EVC2: variants seen among roughly 807,000 people sequenced by gnomAD.
EVC2 encodes the protein limbin.
Under a neutral mutation model 149.3 loss-of-function variants are expected in EVC2, and 148 were observed. The observed-to-expected ratio is 0.99, with a 90% CI of 0.87 to 1.14. The LOEUF (loss-of-function observed/expected upper bound fraction) is 1.14. Among genes scored for constraint, EVC2 ranks in the 50% most tolerant of loss-of-function variants. The pLI is 0.00. For missense variants in EVC2, 1,854 were observed against 1,627.3 expected, an observed-to-expected ratio of 1.14 and a Z score of -2.40; for synonymous variants, 776 against 649.9, an observed-to-expected ratio of 1.19 and a Z score of -2.95.
At chr4:5,560,501 A>C (rs892016256), downstream of EVC2, among the ~76,000 whole-genome samples, 70 of 152,136 alleles carry the variant, frequency 4.6e-4, 1 homozygote, top group Admixed American at 4.6e-3. The surrounding 1 kb of genome is among the most constrained non-coding windows in gnomAD (Gnocchi z 4.1). Context: ...ATAAAACATC[A>C]GATCTCGTGA....
intron 15 of EVC2, among the ~76,000 whole-genome samples, chr4:5,616,705 C>T (rs1164507865): frequency 2.6e-5 from 4 of 152,218 alleles, no homozygotes; most frequent in Admixed American, 6.5e-5. Context: ...GCCGCTATCT[C>T]GGGACTGAGC....
intron 10 of EVC2, among the ~76,000 whole-genome samples, chr4:5,632,655 TC>T (rs1716633588): frequency 6.6e-6 from 1 of 152,096 alleles, no homozygotes; most frequent in Admixed American, 6.5e-5. Context: ...CAAGTGGAGA[TC>T]CTTTGGGTAA....
intron 21 of EVC2, among the ~76,000 whole-genome samples, chr4:5,551,116 C>T (rs986835091): frequency 6.6e-6 from 1 of 152,214 alleles, no homozygotes; most frequent in Admixed American, 6.5e-5. Flanking sequence ...GGAGCACCCA[C>T]ACAGAGTCCC....
At chr4:5,552,760 A>ACGAAC (rs1721765254) in intron 21 of EVC2, among the ~76,000 whole-genome samples, 4 of 152,222 alleles carry the variant, frequency 2.6e-5, no homozygotes, top group Admixed American at 2.0e-4. Flanking sequence ...GAGACAGACA[A>ACGAAC]TGAACTGAGA....
chr4:5,608,755 G>A (rs1714595492), intron 16 of EVC2, among the ~76,000 whole-genome samples: 1 of 151,990 alleles, frequency 6.6e-6, no homozygotes, highest in African/African-American at 2.4e-5. Flanking sequence ...AGCTGATCTT[G>A]AATTTGACCT....
rs1251956705 is a variant in EVC2 at position 5,677,318 on chromosome 4, T to C, written c.870+3942A>G. Among the ~76,000 whole-genome samples the C allele has an allele frequency of 6.6e-6, 1 of 152,166 alleles. No individual in the cohort carries two copies. The highest frequency in any genetic ancestry group is 1.5e-5 in the Non-Finnish European group (1 of 68,032). On this transcript the variant is annotated intron_variant, in intron 7 of 21. Transcript: ENST00000344408. The surrounding 1 kb of genome is among the most constrained non-coding windows in gnomAD (Gnocchi z 4.3). ...GACAGGGATTCAAAGCCAGGCCTTA[T>C]GGTCCAAGAGTCAGCTGGGCCCACA...
intron 5 of EVC2, among the ~76,000 whole-genome samples, chr4:5,687,467 C>A (rs1380568827): frequency 6.6e-6 from 1 of 151,936 alleles, no homozygotes; most frequent in Non-Finnish European, 1.5e-5. Context: ...CGTGCTAGAG[C>A]AGAAGTCCAT....
rs777094897 is a variant in EVC2, at chr4:5,708,322, C to G, written c.192G>C (p.Pro64=). 1.2e-5 allele frequency: 17 copies of G among 1,468,310 alleles called. 1 individual carries two copies. In the South Asian group the frequency reaches 2.0e-4, roughly 17 times the overall value. The allele number at this position is 1,468,310 out of a possible 1,614,324, so 91.0% of individuals were successfully genotyped here. Reference sequence around the variant, plus strand: ...TCTCGGGCCCCGCCCCGCTCCGCCCCGGAGGGATCCTCAGGCCGGGCCCAG... The same window carrying G: ...TCTCGGGCCCCGCCCCGCTCCGCCCGGGAGGGATCCTCAGGCCGGGCCCAG... ...PRSGPGLRIP[P]GRSGAGPESS... Residue 64 remains proline (P), a synonymous_variant, in exon 1 of 22, where the codon CCG becomes CCC. Coordinates refer to ENST00000344408, the MANE Select transcript of EVC2 (RefSeq NM_147127.5).
At chr4:5,562,369 C>A (rs930696559), downstream of EVC2, 2 of 885,336 alleles carry the variant, frequency 2.3e-6, no homozygotes, top group Non-Finnish European at 2.8e-6. This position sits in a 1 kb window ranked among gnomAD's most constrained non-coding sequence, Gnocchi z 4.3. Context: ...ACACAGGGAA[C>A]AAAACGTAAG....
intron 21 of EVC2, among the ~76,000 whole-genome samples, chr4:5,547,381 C>A (rs1468789730): frequency 1.3e-5 from 2 of 152,210 alleles, no homozygotes; most frequent in Non-Finnish European, 2.9e-5. Context: ...AGAGAGGTTC[C>A]TGGGTGGAAG....
Position 5,569,365 on chromosome 4 carries a change from C to T in EVC2, c.3361-725G>A, listed in dbSNP as rs969135368. Among the ~76,000 whole-genome samples, 1 of 152,182 alleles carries T rather than the reference C, an allele frequency of 6.6e-6. No individual in the cohort carries two copies. The highest frequency in any genetic ancestry group is 2.4e-5 in the African/African-American group (1 of 41,446). ...TAGGATAAAATGACAGAGAACTATACGTACATTTTATATCGATGTCAACTT... is the reference window on the plus strand; with the variant it reads ...TAGGATAAAATGACAGAGAACTATATGTACATTTTATATCGATGTCAACTT... On this transcript the variant is annotated intron_variant, in intron 19 of 21. Coordinates refer to ENST00000344408, the MANE Select transcript of EVC2 (RefSeq NM_147127.5). The surrounding 1 kb of genome is among the most constrained non-coding windows in gnomAD (Gnocchi z 4.8).
intron 21 of EVC2, among the ~76,000 whole-genome samples, chr4:5,563,986 G>A (rs971755237): frequency 3.4e-5 from 5 of 148,068 alleles, no homozygotes; most frequent in African/African-American, 5.0e-5. Flanking sequence ...GATAATGATC[G>A]TGACGACCAC....
At chr4:5,651,539 GTAGA>G (rs1718146542) in intron 9 of EVC2, among the ~76,000 whole-genome samples, 3 of 152,320 alleles carry the variant, frequency 2.0e-5, no homozygotes, top group South Asian at 4.1e-4. Context: ...TGATAGGTAG[GTAGA>G]TAGAGAAATA....
chr4:5,704,049 G>A (rs1329881367), intron 1 of EVC2, among the ~76,000 whole-genome samples: 1 of 152,110 alleles, frequency 6.6e-6, no homozygotes, highest in Non-Finnish European at 1.5e-5. Flanking sequence ...GCGAGTGAGT[G>A]GTTTCTGCTC....
At chr4:5,704,746 T>A (rs1384781730) in intron 1 of EVC2, among the ~76,000 whole-genome samples, 1 of 152,098 alleles carries the variant, frequency 6.6e-6, no homozygotes, top group Non-Finnish European at 1.5e-5. Flanking sequence ...TGTTCTGCCA[T>A]CCAGGTTGGA....
At chr4:5,698,971 T>C (rs1305143360) in intron 1 of EVC2, among the ~76,000 whole-genome samples, 1 of 152,152 alleles carries the variant, frequency 6.6e-6, no homozygotes, top group Non-Finnish European at 1.5e-5. Flanking sequence ...ACAGGATCGA[T>C]GGGACAACTG....
intron 16 of EVC2, among the ~76,000 whole-genome samples, chr4:5,598,773 T>C (rs1191006699): frequency 6.6e-6 from 1 of 151,666 alleles, no homozygotes; most frequent in African/African-American, 2.4e-5. Context: ...ACCACCAGAG[T>C]GAACAGGCAA....
chr4:5,613,621 T>C lies in EVC2; in HGVS notation c.2829+1801A>G, dbSNP rs1230429070. On this transcript the variant is annotated intron_variant, in intron 16 of 21. Transcript: ENST00000344408. This position sits in a 1 kb window ranked among gnomAD's most constrained non-coding sequence, Gnocchi z 4.6. ...AACTTCTGCTCTGCTTCCCTAGGGG[T>C]AGGCTGCCCCCCACAAGGAACCCCC... Among the ~76,000 whole-genome samples the C allele has an allele frequency of 6.6e-6, 1 of 151,990 alleles. No individual in the cohort carries two copies. Among genetic ancestry groups the C allele is most frequent in the Non-Finnish European group, 1.5e-5 (1 of 67,982 alleles).
intron 13 of EVC2, among the ~76,000 whole-genome samples, chr4:5,623,679 A>G (rs1172424528): frequency 1.3e-5 from 2 of 152,112 alleles, no homozygotes; most frequent in Admixed American, 1.3e-4. Flanking sequence ...TAGAATCCCT[A>G]TGTGTTCACC....
Sources: gnomAD v4.1 joint callset for allele counts (sites outside exome capture counted in the v4.1 genomes callset) on GRCh38, gnomAD v4.1.1 for gene constraint, Gnocchi (gnomAD v3.1) non-coding constraint, MANE v1.5 for transcripts, NCBI Gene and HGNC (gene_info 2026-07-23, HGNC 2026-07-21) for gene names.